PSD3: variants seen among roughly 807,000 people sequenced by gnomAD.
PSD3 encodes the protein PH and SEC7 domain-containing protein 3.
A neutral mutation model predicts 105.5 loss-of-function variants in PSD3; 49 were observed. The ratio of observed to expected loss-of-function variants is 0.46; its 90% CI spans 0.37 to 0.59. The LOEUF (loss-of-function observed/expected upper bound fraction) is 0.59, where lower values mean the gene tolerates loss of function less well. Ranked by LOEUF, PSD3 falls within the 20% of genes least tolerant of loss-of-function variation. The pLI, the probability that PSD3 is intolerant of heterozygous loss-of-function variation, is 0.00. For missense variants in PSD3, 1,561 were observed against 1,263.8 expected, an observed-to-expected ratio of 1.24 and a Z score of -3.57; for synonymous variants, 557 against 457.8, an observed-to-expected ratio of 1.22 and a Z score of -2.77.
chr8:18,555,555 C>G (rs1801018096), intron 15 of PSD3, among the ~76,000 whole-genome samples: 1 of 152,160 alleles, frequency 6.6e-6, no homozygotes, highest in Admixed American at 6.5e-5. Context: ...CTAAGGGACT[C>G]TAACCCTGAC....
At chr8:18,877,979 TC>T (rs1205587761) in intron 2 of PSD3, among the ~76,000 whole-genome samples, 1 of 152,214 alleles carries the variant, frequency 6.6e-6, no homozygotes, top group Admixed American at 6.5e-5. Flanking sequence ...CCCTTGAATT[TC>T]CCATTACTTT....
intron 1 of PSD3, among the ~76,000 whole-genome samples, chr8:19,050,750 T>C (rs367813627): frequency 3.9e-5 from 6 of 152,226 alleles, no homozygotes; most frequent in East Asian, 3.9e-4. Context: ...GACGAGTTAA[T>C]GGGTGCAGCA....
chr8:18,636,995 C>A (rs953679439), intron 10 of PSD3, among the ~76,000 whole-genome samples: 1 of 152,178 alleles, frequency 6.6e-6, no homozygotes, highest in African/African-American at 2.4e-5. Context: ...CACCACCAAA[C>A]CTAAGCCAGC....
rs192364170 is a variant in PSD3, at chr8:18,911,414, C to A, written c.130+24620G>T. 4.3e-4 allele frequency among the ~76,000 whole-genome samples: 65 copies of A among 152,278 alleles called. 1 individual carries two copies. Among genetic ancestry groups the A allele is most frequent in the Admixed American group, 5.2e-4 (8 of 15,294 alleles). On this transcript the variant is annotated intron_variant, in intron 2 of 15. Coordinates refer to ENST00000327040, the MANE Select transcript of PSD3 (RefSeq NM_015310.4). ...AAGGCTGCAGGATATGGTGGAGAGACAGCCTTGATGTCATGCTTGACTGGG... is the reference window on the plus strand; with the variant it reads ...AAGGCTGCAGGATATGGTGGAGAGAAAGCCTTGATGTCATGCTTGACTGGG...
chr8:18,750,062 G>A (rs1474650618), intron 9 of PSD3, among the ~76,000 whole-genome samples: 1 of 152,152 alleles, frequency 6.6e-6, no homozygotes, highest in Admixed American at 6.5e-5. Context: ...ATCAATCTGT[G>A]TTGTTTCAAG....
At chr8:18,695,542 C>T (rs914357880) in intron 9 of PSD3, among the ~76,000 whole-genome samples, 1 of 152,134 alleles carries the variant, frequency 6.6e-6, no homozygotes, top group East Asian at 1.9e-4. Flanking sequence ...ATAACTGACA[C>T]ATACGAAACA....
intron 1 of PSD3, among the ~76,000 whole-genome samples, chr8:19,034,414 T>G (rs1827876939): frequency 6.6e-6 from 1 of 152,178 alleles, no homozygotes; most frequent in Admixed American, 6.5e-5. Context: ...CAGGAAACCC[T>G]TAGACAATAT....
intron 15 of PSD3, among the ~76,000 whole-genome samples, chr8:18,537,703 G>C (rs530803772): frequency 1.1e-4 from 17 of 151,220 alleles, no homozygotes; most frequent in South Asian, 6.3e-4. Context: ...TTGAGACAGA[G>C]TCTCATTCTG....
At chr8:18,933,807 T>G (rs945454964) in intron 2 of PSD3, among the ~76,000 whole-genome samples, 2 of 152,132 alleles carry the variant, frequency 1.3e-5, no homozygotes, top group African/African-American at 2.4e-5. Flanking sequence ...ATAACTATAA[T>G]CAGTACCCTG....
At chr8:18,978,141 G>A (rs1215251000) in intron 1 of PSD3, among the ~76,000 whole-genome samples, 1 of 152,216 alleles carries the variant, frequency 6.6e-6, no homozygotes, top group Non-Finnish European at 1.5e-5. Context: ...AAATGCAATA[G>A]GAGCCAAAGC....
At chr8:18,824,136 G>A (rs999449626) in intron 4 of PSD3, among the ~76,000 whole-genome samples, 1 of 152,168 alleles carries the variant, frequency 6.6e-6, no homozygotes, top group Non-Finnish European at 1.5e-5. Flanking sequence ...TCATGCCACT[G>A]CACTCTAGCC....
intron 1 of PSD3, among the ~76,000 whole-genome samples, chr8:19,052,346 C>A (rs939513616): frequency 1.3e-5 from 2 of 151,860 alleles, no homozygotes; most frequent in Non-Finnish European, 2.9e-5. Flanking sequence ...GTGACATGCG[C>A]CTGTAGTCCC....
chr8:18,538,263 T>C (rs186389033), intron 15 of PSD3, among the ~76,000 whole-genome samples: 65 of 152,264 alleles, frequency 4.3e-4, no homozygotes, highest in Non-Finnish European at 8.7e-4. Context: ...CCAATTTCAA[T>C]AAAGAAGTAA....
In PSD3 at chr8:18,752,567, A is replaced by ATATATAT. The variant is rs1554489506; in HGVS notation, c.2172+12875_2172+12881dup. ...TATATTATATATAATTATATATATT[A>ATATATAT]TATATATAATTATATATATTATATA... On this transcript the variant is annotated intron_variant, in intron 9 of 15. Transcript: ENST00000327040. 1.2e-3 allele frequency among the ~76,000 whole-genome samples: 91 copies of ATATATAT among 78,708 alleles called. 3 individuals carry two copies. Among genetic ancestry groups the ATATATAT allele is most frequent in the African/African-American group, 7.0e-3 (89 of 12,686 alleles). 51.6% of individuals were successfully genotyped at this position (78,708 alleles called of 152,430 possible). A position where few individuals can be genotyped will look rare whatever the true frequency, so the allele number is the denominator to read the frequency against.
chr8:18,717,321 T>C (rs1022088862), intron 9 of PSD3, among the ~76,000 whole-genome samples: 1 of 152,142 alleles, frequency 6.6e-6, no homozygotes, highest in African/African-American at 2.4e-5. Context: ...AAAGAAAAGG[T>C]CAATTTAAAA....
chr8:18,767,957 C>G (rs1807160773), intron 8 of PSD3, among the ~76,000 whole-genome samples: 1 of 151,358 alleles, frequency 6.6e-6, no homozygotes, highest in Admixed American at 6.6e-5. Flanking sequence ...AGAAAGCAGA[C>G]TTCTGGAGAT....
At chr8:18,696,825 T>A (rs991972020) in intron 9 of PSD3, among the ~76,000 whole-genome samples, 1 of 152,132 alleles carries the variant, frequency 6.6e-6, no homozygotes, top group Admixed American at 6.6e-5. Flanking sequence ...CCAATAGAAG[T>A]CTATAAAAGC....
chr8:18,725,585 A>C (rs1803288137), intron 9 of PSD3, among the ~76,000 whole-genome samples: 1 of 152,138 alleles, frequency 6.6e-6, no homozygotes, highest in Non-Finnish European at 1.5e-5. Flanking sequence ...GGGACATCTA[A>C]AATGGAGTCA....
chr8:18,539,011 A>C (rs1227689543), intron 15 of PSD3, among the ~76,000 whole-genome samples: 1 of 151,338 alleles, frequency 6.6e-6, no homozygotes, highest in Non-Finnish European at 1.5e-5. Flanking sequence ...TTTCTGACTT[A>C]AAAAAGGCTT....
Sources: allele counts gnomAD v4.1 joint callset (sites outside exome capture counted in the v4.1 genomes callset), GRCh38; gene constraint gnomAD v4.1.1; transcripts MANE v1.5; gene names NCBI Gene and HGNC (gene_info 2026-07-23, HGNC 2026-07-21).